Variants in RSPO4 observed in about 807,000 individuals in gnomAD.
RSPO4 encodes the protein R-spondin 4, also known as R-spondin-4.
Under a neutral mutation model 24.8 loss-of-function variants are expected in RSPO4, and 23 were observed. The ratio of observed to expected loss-of-function variants is 0.93; its 90% CI spans 0.67 to 1.31. RSPO4 has a LOEUF of 1.31. Ranked by LOEUF, RSPO4 falls within the 40% of genes most tolerant of loss-of-function variation. The probability of loss-of-function intolerance (pLI) is 0.00; values close to 1 mark genes in which losing one functional copy is unlikely to be tolerated. For synonymous variants in RSPO4, 141 were observed against 127.4 expected (o/e 1.11, Z -0.72); for missense variants, 333 against 316.5 (o/e 1.05, Z -0.39).
chr20:981,708 T>C lies in RSPO4; in HGVS notation c.80-13570A>G, dbSNP rs540029117. 6.6e-6 allele frequency among the ~76,000 whole-genome samples: 1 copy of C among 152,200 alleles called. No individual in the cohort carries two copies. Among genetic ancestry groups the C allele is most frequent in the South Asian group, 2.1e-4 (1 of 4,818 alleles). On this transcript the variant is annotated intron_variant, in intron 1 of 4. Transcript: ENST00000217260. The surrounding 1 kb of genome is among the most constrained non-coding windows in gnomAD (Gnocchi z 4.6). Reference sequence around the variant, plus strand: ...CATGTGTGCCCGACATGTGTGTGTTTGGGGGACAGGGGCAGGTATGTGCCG... The same window carrying C: ...CATGTGTGCCCGACATGTGTGTGTTCGGGGGACAGGGGCAGGTATGTGCCG...
chr20:968,042 C>G lies in RSPO4; in HGVS notation c.176G>C (p.Arg59Pro). Residue 59 changes from arginine to proline, a missense_variant, in exon 2 of 5, where the codon CGC becomes CCC. Arg to Pro is a moderately radical substitution (Grantham distance 103). Transcript: ENST00000217260. ...GCCGTACTGGCGGATGCCTTCCCGGCGGATGAACAGGAAGAGCCTCTGCTG... is the reference window on the plus strand; with the variant it reads ...GCCGTACTGGCGGATGCCTTCCCGGGGGATGAACAGGAAGAGCCTCTGCTG... ...TCQQRLFLFI[R>P]REGIRQYGKC... The G allele has an allele frequency of 6.2e-7, 1 of 1,614,192 alleles. No homozygotes were observed. Among genetic ancestry groups the G allele is most frequent in the Non-Finnish European group, 8.5e-7 (1 of 1,180,028 alleles).
At chr20:985,288 T>C in intron 1 of RSPO4, among the ~76,000 whole-genome samples, 1 of 145,456 alleles carries the variant, frequency 6.9e-6, no homozygotes, top group African/African-American at 2.6e-5. Flanking sequence ...CACTCATCTA[T>C]CCATCCATCC....
At chr20:965,614 C>G (rs1984168721) in intron 3 of RSPO4, among the ~76,000 whole-genome samples, 1 of 152,190 alleles carries the variant, frequency 6.6e-6, no homozygotes, top group African/African-American at 2.4e-5. Context: ...GGCCAGAACC[C>G]TGGCGATAGG....
At chr20:996,297 C>T (rs1985287036) in intron 1 of RSPO4, among the ~76,000 whole-genome samples, 1 of 151,344 alleles carries the variant, frequency 6.6e-6, no homozygotes, top group Non-Finnish European at 1.5e-5. Flanking sequence ...AATTTATTGT[C>T]CTCACCTGCT....
chr20:982,662 C>T (rs986393965), intron 1 of RSPO4, among the ~76,000 whole-genome samples: 2 of 152,206 alleles, frequency 1.3e-5, no homozygotes, highest in African/African-American at 4.8e-5. Context: ...CCGTAGTGGG[C>T]TGGTCTGATG....
rs769012270 is a variant in RSPO4 at position 967,998 on chromosome 20, G to T, written c.220C>A (p.Pro74Thr). 7.4e-6 allele frequency: 12 copies of T among 1,614,126 alleles called. No homozygotes were observed. The highest frequency in any genetic ancestry group is 2.2e-5 in the South Asian group (2 of 91,092). ...RQYGKCLHDC[P>T]PGYFGIRGQE... ...CCGCGGATGCCGAAGTACCCAGGGG[G>T]ACAGTCGTGCAGGCACTTGCCGTAC... The change falls in exon 2 of 5, where the codon CCC becomes ACC. Residue 74 changes from proline (P) to threonine (T), a missense_variant. Pro to Thr is a conservative substitution (Grantham distance 38). Coordinates refer to ENST00000217260, the MANE Select transcript of RSPO4 (RefSeq NM_001029871.4).
chr20:1,001,955 G>A, intron 1 of RSPO4, 131 bp downstream of exon 1: 1 of 716,998 alleles, frequency 1.4e-6, no homozygotes, highest in Non-Finnish European at 2.4e-6. Flanking sequence ...GTTGAGACTC[G>A]TCTGGAGGAG....
rs937939333 is a variant in RSPO4, at chr20:983,986, C to A, written c.80-15848G>T. ...TTTTAAGTACTGGGGAGAGTCTAGGCCCCAGAATAGGTCCAAAATAAATAC... is the reference window on the plus strand; with the variant it reads ...TTTTAAGTACTGGGGAGAGTCTAGGACCCAGAATAGGTCCAAAATAAATAC... On this transcript the variant is annotated intron_variant, in intron 1 of 4. Coordinates refer to ENST00000217260, the MANE Select transcript of RSPO4 (RefSeq NM_001029871.4). Among the ~76,000 whole-genome samples, 14 of 152,182 alleles carry A rather than the reference C, an allele frequency of 9.2e-5. No individual in the cohort carries two copies. In the South Asian group the frequency reaches 2.7e-3, roughly 29 times the overall value.
chr20:977,793 G>A (rs1984610764), intron 1 of RSPO4, among the ~76,000 whole-genome samples: 1 of 152,166 alleles, frequency 6.6e-6, no homozygotes, highest in African/African-American at 2.4e-5. Flanking sequence ...TCCCTGCTCT[G>A]TCCTTGGGGA....
intron 1 of RSPO4, among the ~76,000 whole-genome samples, chr20:996,013 C>T (rs1177457878): frequency 1.3e-5 from 2 of 152,190 alleles, no homozygotes; most frequent in Non-Finnish European, 2.9e-5. Context: ...TTGCAATGCA[C>T]TCTGATATAT....
In RSPO4 at chr20:970,436, G is replaced by T. The variant is rs1477462395; in HGVS notation, c.80-2298C>A. ...CTTACTGATCCAGGGTCGTACGGAA[G>T]CACACAGTAACTAAAGTGTACCCTG... On this transcript the variant is annotated intron_variant, in intron 1 of 4. Coordinates refer to ENST00000217260, the MANE Select transcript of RSPO4 (RefSeq NM_001029871.4). The surrounding 1 kb of genome is among the most constrained non-coding windows in gnomAD (Gnocchi z 4.1). Among the ~76,000 whole-genome samples, 1 of 152,112 alleles carries T rather than the reference G, an allele frequency of 6.6e-6. No individual in the cohort carries two copies. The highest frequency in any genetic ancestry group is 1.9e-4 in the East Asian group (1 of 5,178).
At chr20:987,632 A>T (rs925654986) in intron 1 of RSPO4, among the ~76,000 whole-genome samples, 2 of 152,138 alleles carry the variant, frequency 1.3e-5, no homozygotes, top group Non-Finnish European at 2.9e-5. Context: ...ATGAAAATAA[A>T]AAAAAAAAAT....
At chr20:967,883 G>C (rs1049154986) in intron 2 of RSPO4, 67 bp downstream of exon 2, 180 of 1,431,798 alleles carry the variant, frequency 1.3e-4, no homozygotes, top group Non-Finnish European at 1.6e-4. Flanking sequence ...GGGGTGAAAG[G>C]GTGGGATCTA....
At chr20:967,096 G>A (rs1984227158) in intron 3 of RSPO4, 78 bp downstream of exon 3, 1 of 1,427,620 alleles carries the variant, frequency 7.0e-7, no homozygotes, top group East Asian at 2.3e-5. Flanking sequence ...TTCTTCCAGG[G>A]CCCCTAACAT....
chr20:964,705 CACACATATATATAT>C lies in RSPO4; in HGVS notation c.410-599_410-586del, dbSNP rs1380882143. The stretch of plus-strand genomic sequence containing the variant: ...ATGTATATATATATATACACACACA[CACACATATATATAT>C]ACACATATATATACACACACACACA... On this transcript the variant is annotated intron_variant, in intron 3 of 4. Coordinates refer to ENST00000217260, the MANE Select transcript of RSPO4 (RefSeq NM_001029871.4). 8.6e-5 allele frequency among the ~76,000 whole-genome samples: 13 copies of C among 151,062 alleles called. No individual in the cohort carries two copies. The East Asian group carries it at 1.9e-3, about 23-fold the overall frequency.
chr20:999,304 C>T (rs535204421), intron 1 of RSPO4, among the ~76,000 whole-genome samples: 6 of 152,276 alleles, frequency 3.9e-5, no homozygotes, highest in African/African-American at 7.2e-5. Flanking sequence ...CTTGAGCCAT[C>T]GCACCTGGGT....
At chr20:963,843 CAT>C in intron 4 of RSPO4, 90 bp downstream of exon 4, 4 of 1,319,986 alleles carry the variant, frequency 3.0e-6, no homozygotes, top group Non-Finnish European at 4.3e-6. Context: ...CAGGCAGTCT[CAT>C]AGATACTATT....
In RSPO4 at chr20:964,050, A is replaced by G. The variant is rs1289297561; in HGVS notation, c.480T>C (p.Ala160=). Residue 160 remains alanine, a synonymous_variant, in exon 4 of 5, where the codon GCT becomes GCC. Transcript: ENST00000217260. ...CTCGTACCCGGCTCTCCAGGCCCCAAGCCGAGCCGCAGGTCTTTCCATTGT... is the reference window on the plus strand; with the variant it reads ...CTCGTACCCGGCTCTCCAGGCCCCAGGCCGAGCCGCAGGTCTTTCCATTGT... ...CTHNGKTCGS[A]WGLESRVREA... 18 of 1,613,724 alleles carry G rather than the reference A, an allele frequency of 1.1e-5. No homozygotes were observed. Among genetic ancestry groups the G allele is most frequent in the Non-Finnish European group, 1.5e-5 (18 of 1,180,012 alleles).
chr20:1,002,192 C>A lies in RSPO4; in HGVS notation c.-28G>T. ...GGGCAGCCGGATCCGGGCTGGCGCT[C>A]CCCAGGCGGCCCGACGGCCCAAGGG... On this transcript the variant is annotated 5_prime_UTR_variant, in exon 1 of 5. Transcript: ENST00000217260. The surrounding 1 kb of genome is among the most constrained non-coding windows in gnomAD (Gnocchi z 4.6). 6.7e-7 allele frequency: 1 copy of A among 1,497,398 alleles called. No individual in the cohort carries two copies. The highest frequency in any genetic ancestry group is 2.7e-5 in the East Asian group (1 of 36,578). 92.8% of individuals were successfully genotyped at this position (1,497,398 alleles called of 1,614,324 possible).
Sources: allele counts gnomAD v4.1 joint callset (sites outside exome capture counted in the v4.1 genomes callset), GRCh38; gene constraint gnomAD v4.1.1; non-coding constraint Gnocchi (gnomAD v3.1); transcripts MANE v1.5; gene names NCBI Gene and HGNC (gene_info 2026-07-23, HGNC 2026-07-21).